The following RAI1 variants were observed in gnomAD, a reference collection of about 807,000 sequenced individuals.
RAI1 encodes the protein retinoic acid induced 1.
Under a neutral mutation model 123.8 loss-of-function variants are expected in RAI1, and 9 were observed. The observed-to-expected ratio is 0.07, with a 90% CI of 0.04 to 0.13. The LOEUF (loss-of-function observed/expected upper bound fraction) is 0.13. Ranked by LOEUF, RAI1 falls within the 10% of genes least tolerant of loss-of-function variation. RAI1 has a pLI of 1.00. For missense variants in RAI1, 2,256 were observed against 2,545.8 expected, an observed-to-expected ratio of 0.89 and a Z score of 2.45; for synonymous variants, 1,231 against 1,127.3, an observed-to-expected ratio of 1.09 and a Z score of -1.84.
chr17:17,689,254 C>T (rs142151783), intron 1 of RAI1, among the ~76,000 whole-genome samples: 409 of 152,310 alleles, frequency 2.7e-3, no homozygotes, highest in Middle Eastern at 0.02. Flanking sequence ...TGAGCCACCA[C>T]GCCCGGCCAA....
chr17:17,758,191 G>A (rs553579662), intron 2 of RAI1, among the ~76,000 whole-genome samples: 28 of 152,252 alleles, frequency 1.8e-4, no homozygotes, highest in African/African-American at 6.3e-4. Context: ...TCCAGCGGCC[G>A]CATCCCAGCA....
rs781462787 is a variant in RAI1, at chr17:17,796,826, C to T, written c.3878C>T (p.Pro1293Leu). The T allele has an allele frequency of 1.2e-6, 2 of 1,610,820 alleles. No homozygotes were observed. Among genetic ancestry groups the T allele is most frequent in the Non-Finnish European group, 1.7e-6 (2 of 1,178,252 alleles). Residue 1293 changes from proline to leucine, a missense_variant, in exon 3 of 6, where the codon CCA becomes CTA. Pro to Leu is a moderately conservative substitution (Grantham distance 98). This residue lies in a region of RAI1 where 322 missense variants were observed against 358.0 expected (regional missense o/e 0.90). Transcript: ENST00000353383. The surrounding 1 kb of genome is among the most constrained non-coding windows in gnomAD (Gnocchi z 5.8). Reference protein sequence around the residue: ...KGNGEPATKLPPPETPDACLK... With the variant: ...KGNGEPATKLLPPETPDACLK... ...AATGGCGAGCCTGCCACAAAGCTCC[C>T]ACCCCCGGAGACCCCCGATGCCTGC...
chr17:17,803,252 C>T (rs901274822), intron 3 of RAI1, among the ~76,000 whole-genome samples: 3 of 152,144 alleles, frequency 2.0e-5, no homozygotes, highest in Non-Finnish European at 4.4e-5. Context: ...CCAGAGGGTG[C>T]TAAATGACCC....
At chr17:17,724,406 C>CTTT (rs771760855) in intron 2 of RAI1, among the ~76,000 whole-genome samples, 28,937 of 103,352 alleles carry the variant, frequency 0.28, 4,855 homozygotes, top group Non-Finnish European at 0.39. Context: ...TCTTTCTTTC[C>CTTT]TTTTTTTTTT....
intron 1 of RAI1, among the ~76,000 whole-genome samples, chr17:17,689,935 A>G (rs72836878): frequency 0.054 from 8,246 of 152,216 alleles, 314 homozygotes; most frequent in Non-Finnish European, 0.076. Flanking sequence ...GGGGTGCCAA[A>G]GCCCCCCAAC....
At chr17:17,715,811 C>T (rs1160282780) in intron 1 of RAI1, among the ~76,000 whole-genome samples, 1 of 152,180 alleles carries the variant, frequency 6.6e-6, no homozygotes, top group Non-Finnish European at 1.5e-5. Flanking sequence ...CGCCCCTTTG[C>T]GGGTGTGAAC....
chr17:17,798,087 C>T lies in RAI1; in HGVS notation c.5139C>T (p.Pro1713=), dbSNP rs772545047. The change falls in exon 3 of 6, where the codon CCC becomes CCT. Residue 1713 remains proline, a synonymous_variant. Transcript: ENST00000353383. The part of the protein sequence containing the change: ...CGPYYPEHCL[P]KKKPKLKEKV... ...CCTACTACCCTGAACACTGCCTCCC[C>T]AAAAAGAAGCCAAAACTCAAGGAGA... 5.0e-6 allele frequency: 8 copies of T among 1,613,888 alleles called. No homozygotes were observed. The African/African-American group carries it at 1.1e-4, about 22-fold the overall frequency.
chr17:17,803,630 C>T, intron 3 of RAI1, 126 bp from the exon 4 acceptor site: 2 of 862,656 alleles, frequency 2.3e-6, no homozygotes, highest in Middle Eastern at 3.3e-4. Context: ...AGGCGATCCT[C>T]CCACCTTGGC....
intron 2 of RAI1, among the ~76,000 whole-genome samples, chr17:17,732,268 G>T (rs1401523234): frequency 2.6e-5 from 4 of 152,216 alleles, no homozygotes; most frequent in Non-Finnish European, 4.4e-5. Context: ...TCCTTACTGA[G>T]AAGAAGGCAC....
chr17:17,809,480 C>A lies in RAI1; in HGVS notation c.5709+41C>A. 1 of 1,546,180 alleles carries A rather than the reference C, an allele frequency of 6.5e-7. No individual in the cohort carries two copies. On this transcript the variant is annotated intron_variant, in intron 5 of 5. Coordinates refer to ENST00000353383, the MANE Select transcript of RAI1 (RefSeq NM_030665.4). The surrounding 1 kb of genome is among the most constrained non-coding windows in gnomAD (Gnocchi z 4.9). ...GTTTTGTAGGGCGAGGGGTGTCAAGCGGGAGAGGAGCCCCACCTCGCACCT... is the reference window on the plus strand; with the variant it reads ...GTTTTGTAGGGCGAGGGGTGTCAAGAGGGAGAGGAGCCCCACCTCGCACCT...
intron 2 of RAI1, chr17:17,782,151 T>G (rs1482350431): frequency 6.6e-6 from 1 of 151,426 alleles, no homozygotes. Context: ...AGCCGTGCGA[T>G]GCCCGCGCAG....
chr17:17,808,282 C>T (rs2032634121), intron 4 of RAI1, among the ~76,000 whole-genome samples: 2 of 152,130 alleles, frequency 1.3e-5, no homozygotes, highest in Admixed American at 1.3e-4. Context: ...AAGCACTGGC[C>T]ATGCTTGGTT....
chr17:17,799,249 G>T lies in RAI1; in HGVS notation c.5565+736G>T, dbSNP rs2032377237. Among the ~76,000 whole-genome samples the T allele has an allele frequency of 6.6e-6, 1 of 152,206 alleles. No homozygotes were observed. Among genetic ancestry groups the T allele is most frequent in the Non-Finnish European group, 1.5e-5 (1 of 68,036 alleles). ...CCTCGCCCCTAACGTGGGTATGAGGGTGCCCATGGAGGAGGGGTCGGGAGG... is the reference window on the plus strand; with the variant it reads ...CCTCGCCCCTAACGTGGGTATGAGGTTGCCCATGGAGGAGGGGTCGGGAGG... On this transcript the variant is annotated intron_variant, in intron 3 of 5. Transcript: ENST00000353383. The surrounding 1 kb of genome is among the most constrained non-coding windows in gnomAD (Gnocchi z 4.5).
In RAI1 at chr17:17,798,456, C is replaced by T. The variant is rs772672621; in HGVS notation, c.5508C>T (p.Tyr1836=). Residue 1836 remains tyrosine, a synonymous_variant, in exon 3 of 6, where the codon TAC becomes TAT. Transcript: ENST00000353383. ...GTGCCGTGTGGACCGGCGGCGTCTACCTGGTGGCCGGGAAGCTCTTTGGGC... is the reference window on the plus strand; with the variant it reads ...GTGCCGTGTGGACCGGCGGCGTCTATCTGGTGGCCGGGAAGCTCTTTGGGC... The part of the protein sequence containing the change: ...EACAVWTGGV[Y]LVAGKLFGLQ... 2.5e-6 allele frequency: 4 copies of T among 1,607,692 alleles called. No homozygotes were observed. Among genetic ancestry groups the T allele is most frequent in the South Asian group, 1.1e-5 (1 of 91,016 alleles).
chr17:17,703,115 A>G (rs1915282765), intron 1 of RAI1, among the ~76,000 whole-genome samples: 1 of 152,178 alleles, frequency 6.6e-6, no homozygotes, highest in Non-Finnish European at 1.5e-5. Flanking sequence ...GAGAGGCTCC[A>G]TCACTCTTCC....
chr17:17,793,869 C>T lies in RAI1; in HGVS notation c.921C>T (p.Asn307=). ...HHAQETLHYQ[N]LAKYQHYGQQ... ...CCCAGGAAACCCTCCATTACCAAAA[C>T]CTCGCCAAGTATCAGCACTACGGGC... The change falls in exon 3 of 6, where the codon AAC becomes AAT. Residue 307 remains asparagine, a synonymous_variant. Coordinates refer to ENST00000353383, the MANE Select transcript of RAI1 (RefSeq NM_030665.4). 1 of 1,613,628 alleles carries T rather than the reference C, an allele frequency of 6.2e-7. No homozygotes were observed. Among genetic ancestry groups the T allele is most frequent in the Admixed American group, 1.7e-5 (1 of 60,028 alleles).
Position 17,794,640 on chromosome 17 carries a change from G to A in RAI1, c.1692G>A (p.Met564Ile), listed in dbSNP as rs1293745457. ...STCSVTSPDD[M>I]STKSDDSFQS... ...GTTCTGTGACCTCTCCTGACGACAT[G>A]TCCACCAAATCTGACGACTCCTTCC... is the stretch of plus-strand genomic sequence containing the variant. Residue 564 changes from methionine (M) to isoleucine (I), a missense_variant, in exon 3 of 6, where the codon ATG becomes ATA. Met to Ile is a conservative substitution (Grantham distance 10). Coordinates refer to ENST00000353383, the MANE Select transcript of RAI1 (RefSeq NM_030665.4). 2.5e-6 allele frequency: 4 copies of A among 1,613,100 alleles called. No homozygotes were observed. In the South Asian group the frequency reaches 4.4e-5, roughly 18 times the overall value.
intron 2 of RAI1, among the ~76,000 whole-genome samples, chr17:17,762,601 T>C (rs907576854): frequency 1.3e-5 from 2 of 152,198 alleles, no homozygotes; most frequent in Admixed American, 6.5e-5. Context: ...TTCCAGAGTC[T>C]GTGGCAACAC....
In RAI1 at chr17:17,800,224, C is replaced by CA. The variant is rs1308384990; in HGVS notation, c.5565+1711_5565+1712insA. 2.2e-5 allele frequency among the ~76,000 whole-genome samples: 3 copies of CA among 134,724 alleles called. No homozygotes were observed. Among genetic ancestry groups the CA allele is most frequent in the Non-Finnish European group, 4.7e-5 (3 of 63,492 alleles). 88.4% of individuals were successfully genotyped at this position (134,724 alleles called of 152,430 possible). On this transcript the variant is annotated intron_variant, in intron 3 of 5. Transcript: ENST00000353383. This position sits in a 1 kb window ranked among gnomAD's most constrained non-coding sequence, Gnocchi z 4.7. Reference sequence around the variant, plus strand: ...TCTCTCTCTCTCTCTCTCTCTCTCTCTCTCATTACTGGCTCCTTCCCAGCG... The same window carrying CA: ...TCTCTCTCTCTCTCTCTCTCTCTCTCATCTCATTACTGGCTCCTTCCCAGCG...
Sources: allele counts gnomAD v4.1 joint callset (sites outside exome capture counted in the v4.1 genomes callset), GRCh38; gene constraint gnomAD v4.1.1; regional missense constraint gnomAD v4.1.1; non-coding constraint Gnocchi (gnomAD v3.1); transcripts MANE v1.5; gene names NCBI Gene and HGNC (gene_info 2026-07-23, HGNC 2026-07-21).